The following EPM2A variants were observed in gnomAD, a reference collection of about 807,000 sequenced individuals.
The protein encoded by EPM2A is laforin.
A neutral mutation model predicts 26.5 loss-of-function variants in EPM2A; 21 were observed. That is an observed-to-expected ratio of 0.79 (90% CI 0.56 to 1.14). EPM2A has a LOEUF of 1.14. EPM2A is among the 50% of genes most tolerant of loss of function. The probability of loss-of-function intolerance (pLI) is 0.00; values close to 1 mark genes in which losing one functional copy is unlikely to be tolerated. For synonymous variants in EPM2A, 217 were observed against 177.6 expected (o/e 1.22, Z -1.76); for missense variants, 458 against 440.8 (o/e 1.04, Z -0.35).
At chr6:145,668,884 C>G (rs958085694) in intron 2 of EPM2A, among the ~76,000 whole-genome samples, 1 of 151,998 alleles carries the variant, frequency 6.6e-6, no homozygotes, top group African/African-American at 2.4e-5. Flanking sequence ...ACAGGACCAT[C>G]AAACACACCA....
Position 145,644,333 on chromosome 6 carries a change from T to C in EPM2A, c.477-8847A>G, listed in dbSNP as rs1314490439. Among the ~76,000 whole-genome samples the C allele has an allele frequency of 5.3e-5, 8 of 152,208 alleles. No homozygotes were observed. The East Asian group carries it at 9.6e-4, about 18-fold the overall frequency. ...GAGCAAGCTGCAGGAAACCAAATGG[T>C]TGTGTTTACAGAATCACCTTCCTTG... On this transcript the variant is annotated intron_variant, in intron 2 of 3. Coordinates refer to ENST00000367519, the MANE Select transcript of EPM2A (RefSeq NM_005670.4).
chr6:145,628,189 C>T (rs1447534234), intron 3 of EPM2A: 4 of 169,434 alleles, frequency 2.4e-5, no homozygotes, highest in African/African-American at 4.8e-5. Context: ...TCAACATACA[C>T]TCATTTTCAT....
At chr6:145,491,968 C>A (rs1419672471) in intron 4 of EPM2A, 1 of 450,478 alleles carries the variant, frequency 2.2e-6, no homozygotes. Context: ...AAAATGGTGT[C>A]TGTTGACAAT....
At chr6:145,431,693 G>A (rs769631727) in intron 4 of EPM2A, among the ~76,000 whole-genome samples, 15 of 152,250 alleles carry the variant, frequency 9.9e-5, no homozygotes, top group Non-Finnish European at 1.6e-4. Flanking sequence ...CTGACTGATC[G>A]AGTGCTGATT....
At chr6:145,460,115 G>A (rs1779311014) in intron 4 of EPM2A, among the ~76,000 whole-genome samples, 1 of 152,106 alleles carries the variant, frequency 6.6e-6, no homozygotes, top group African/African-American at 2.4e-5. Flanking sequence ...AGTTCCTCCT[G>A]CTCCTCTCAG....
chr6:145,618,677 G>T (rs1158449118), intron 2 of EPM2A, among the ~76,000 whole-genome samples: 1 of 152,166 alleles, frequency 6.6e-6, no homozygotes, highest in African/African-American at 2.4e-5. Context: ...GTTTCCTTAG[G>T]CCTCCCAGGC....
At chr6:145,396,565 C>T (rs536010677) in intron 4 of EPM2A, among the ~76,000 whole-genome samples, 1 of 83,710 alleles carries the variant, frequency 1.2e-5, no homozygotes, top group South Asian at 4.0e-4. Context: ...GGTACATAAA[C>T]TTTGCAATGT....
chr6:145,695,946 C>T (rs1330540832), intron 1 of EPM2A, among the ~76,000 whole-genome samples: 1 of 151,904 alleles, frequency 6.6e-6, no homozygotes. Flanking sequence ...CCAAATGGAC[C>T]TAACAGAAAT....
chr6:145,732,226 T>G (rs1776527169), intron 1 of EPM2A, among the ~76,000 whole-genome samples: 1 of 118,710 alleles, frequency 8.4e-6, no homozygotes, highest in African/African-American at 3.0e-5. Flanking sequence ...TGTGTGTGTG[T>G]GTGTGTGTGT....
chr6:145,449,661 A>G (rs971541419), intron 4 of EPM2A, among the ~76,000 whole-genome samples: 1 of 152,240 alleles, frequency 6.6e-6, no homozygotes, highest in Non-Finnish European at 1.5e-5. Flanking sequence ...AGTTTGGTAC[A>G]GAATTTCCAG....
At chr6:145,477,083 A>C (rs894404459) in intron 4 of EPM2A, among the ~76,000 whole-genome samples, 2 of 151,982 alleles carry the variant, frequency 1.3e-5, no homozygotes, top group Non-Finnish European at 2.9e-5. Context: ...GGTCCAAGTA[A>C]ATACAATCAG....
At position 145,709,948 on chromosome 6, in the gene EPM2A, C is replaced by T. The variant is rs1158441417; in HGVS notation, c.302-23652G>A. 4.6e-5 allele frequency among the ~76,000 whole-genome samples: 7 copies of T among 152,268 alleles called. No individual in the cohort carries two copies. In the East Asian group the frequency reaches 7.7e-4, roughly 17 times the overall value. On this transcript the variant is annotated intron_variant, in intron 1 of 3. Transcript: ENST00000367519. ...GCTGAAACTGGATCCCTTCCTTACACCTTATACAAAAATTAATTCAAGATG... is the reference window on the plus strand; with the variant it reads ...GCTGAAACTGGATCCCTTCCTTACATCTTATACAAAAATTAATTCAAGATG...
chr6:145,408,292 G>A (rs1284032018), intron 4 of EPM2A, among the ~76,000 whole-genome samples: 1 of 152,114 alleles, frequency 6.6e-6, no homozygotes, highest in Non-Finnish European at 1.5e-5. Flanking sequence ...ACCAGTAACA[G>A]CTGTACTACC....
At chr6:145,608,862 A>G (rs376640073) in intron 2 of EPM2A, among the ~76,000 whole-genome samples, 4 of 152,234 alleles carry the variant, frequency 2.6e-5, no homozygotes, top group African/African-American at 7.2e-5. Flanking sequence ...AGTAACCCAA[A>G]TATTGAACTG....
At chr6:145,385,848 G>C (rs1375107818) in intron 4 of EPM2A, among the ~76,000 whole-genome samples, 1 of 151,602 alleles carries the variant, frequency 6.6e-6, no homozygotes, top group Admixed American at 6.6e-5. Flanking sequence ...GTCATGCAAT[G>C]TTTGTTATCT....
At chr6:145,723,415 T>C (rs546291718) in intron 1 of EPM2A, among the ~76,000 whole-genome samples, 42 of 152,200 alleles carry the variant, frequency 2.8e-4, no homozygotes, top group African/African-American at 9.6e-4. Context: ...ATTTAGACTA[T>C]ATACATATGC....
intron 2 of EPM2A, among the ~76,000 whole-genome samples, chr6:145,663,409 G>A (rs1778888577): frequency 6.6e-6 from 1 of 152,218 alleles, no homozygotes; most frequent in South Asian, 2.1e-4. Context: ...CACGCACCGT[G>A]CGTGAGCCGA....
At chr6:145,675,573 A>G (rs774540534) in intron 2 of EPM2A, among the ~76,000 whole-genome samples, 19 of 152,328 alleles carry the variant, frequency 1.2e-4, no homozygotes, top group Non-Finnish European at 1.2e-4. Context: ...TAGGCTCAAA[A>G]TAAAGGGATG....
intron 2 of EPM2A, among the ~76,000 whole-genome samples, chr6:145,564,220 A>G (rs568207210): frequency 6.6e-6 from 1 of 152,228 alleles, no homozygotes; most frequent in Non-Finnish European, 1.5e-5. Flanking sequence ...CAAATACAGA[A>G]AGCTAACTGT....
Sources: allele counts gnomAD v4.1 joint callset (sites outside exome capture counted in the v4.1 genomes callset), GRCh38; gene constraint gnomAD v4.1.1; transcripts MANE v1.5; gene names NCBI Gene and HGNC (gene_info 2026-07-23, HGNC 2026-07-21).